The following DHRS7B variants were observed in gnomAD, a reference collection of about 807,000 sequenced individuals.
DHRS7B encodes peroxisomal reductase activating PPAR-gamma.
A neutral mutation model predicts 26.4 loss-of-function variants in DHRS7B; 24 were observed. That is an observed-to-expected ratio of 0.91 (90% confidence interval 0.66 to 1.28). The LOEUF (loss-of-function observed/expected upper bound fraction) is 1.28, where lower values mean the gene tolerates loss of function less well. Among genes scored for constraint, DHRS7B ranks in the 50% most tolerant of loss-of-function variants. The pLI, the probability that DHRS7B is intolerant of heterozygous loss-of-function variation, is 0.00. For synonymous variants in DHRS7B, 142 were observed against 166.4 expected (o/e 0.85, Z 1.13); for missense variants, 368 against 419.4 (o/e 0.88, Z 1.07).
intron 4 of DHRS7B, among the ~76,000 whole-genome samples, 154 bp downstream of exon 4, chr17:21,183,964 T>C (rs1036188714): frequency 6.6e-6 from 1 of 152,228 alleles, no homozygotes; most frequent in African/African-American, 2.4e-5. Flanking sequence ...GGTATTTGCT[T>C]TATAGCTTCC....
At chr17:21,178,690 G>A (rs1303552122) in intron 3 of DHRS7B, among the ~76,000 whole-genome samples, 4 of 144,684 alleles carry the variant, frequency 2.8e-5, no homozygotes, top group East Asian at 4.0e-4. Context: ...ACGGAGTCTC[G>A]CTCTGTCACC....
chr17:21,169,115 A>C (rs9910575), intron 1 of DHRS7B, among the ~76,000 whole-genome samples: 1 of 152,092 alleles, frequency 6.6e-6, no homozygotes, highest in Non-Finnish European at 1.5e-5. Context: ...TGATAACCAC[A>C]TTTTCTAACA....
intron 5 of DHRS7B, among the ~76,000 whole-genome samples, chr17:21,188,186 G>T (rs1974692711): frequency 6.6e-6 from 1 of 152,120 alleles, no homozygotes; most frequent in Non-Finnish European, 1.5e-5. Context: ...ACTTAAAGTT[G>T]CAGGAACAGC....
At chr17:21,160,896 T>G (rs775239662) in intron 1 of DHRS7B, among the ~76,000 whole-genome samples, 50 of 152,108 alleles carry the variant, frequency 3.3e-4, no homozygotes, top group Non-Finnish European at 6.6e-4. Flanking sequence ...AAATGAGCTA[T>G]GAAGCTATGA....
chr17:21,163,182 C>T (rs1025134119), intron 1 of DHRS7B, among the ~76,000 whole-genome samples: 4 of 138,020 alleles, frequency 2.9e-5, no homozygotes, highest in African/African-American at 7.9e-5. Context: ...GGTGACAGAG[C>T]AAGACTGTCT....
Position 21,191,337 on chromosome 17 carries a change from C to T in DHRS7B, c.*184C>T. 1 of 629,700 alleles carries T rather than the reference C, an allele frequency of 1.6e-6. No homozygotes were observed. Among genetic ancestry groups the T allele is most frequent in the East Asian group, 2.8e-5 (1 of 36,132 alleles). 39.0% of individuals were successfully genotyped at this position (629,700 alleles called of 1,614,324 possible). A position where few individuals can be genotyped will look rare whatever the true frequency, so the allele number is the denominator to read the frequency against. On this transcript the variant is annotated 3_prime_UTR_variant, in exon 7 of 7. Coordinates refer to ENST00000395511, the MANE Select transcript of DHRS7B (RefSeq NM_015510.5). Reference sequence around the variant, plus strand: ...ATCAAAAACGACAACAAGCTTCTTCCCAGGGTGAGGGGAAACACTTAAGGA... The same window carrying T: ...ATCAAAAACGACAACAAGCTTCTTCTCAGGGTGAGGGGAAACACTTAAGGA...
chr17:21,164,074 G>C (rs1007589000), intron 1 of DHRS7B, among the ~76,000 whole-genome samples: 3 of 130,018 alleles, frequency 2.3e-5, no homozygotes, highest in Admixed American at 8.4e-5. Context: ...TGTCTCCTAG[G>C]CTGGAGTGCA....
intron 1 of DHRS7B, among the ~76,000 whole-genome samples, chr17:21,139,687 T>C (rs190008371): frequency 1.3e-5 from 2 of 150,870 alleles, no homozygotes; most frequent in African/African-American, 4.9e-5. Context: ...AAAAAAAAAA[T>C]AAATAAATAA....
chr17:21,138,575 A>G (rs1973419355), intron 1 of DHRS7B, among the ~76,000 whole-genome samples: 1 of 152,014 alleles, frequency 6.6e-6, no homozygotes, highest in Non-Finnish European at 1.5e-5. Context: ...TAAATTTACC[A>G]TACAATATTC....
At chr17:21,148,739 G>A (rs1252040264) in intron 1 of DHRS7B, among the ~76,000 whole-genome samples, 1 of 151,872 alleles carries the variant, frequency 6.6e-6, no homozygotes, top group Non-Finnish European at 1.5e-5. Flanking sequence ...GAGCGAGATT[G>A]TAAAAAACAA....
chr17:21,133,537 G>A lies in DHRS7B; in HGVS notation c.20+6546G>A, dbSNP rs147131778. Among the ~76,000 whole-genome samples, 798 of 152,348 alleles carry A rather than the reference G, an allele frequency of 5.2e-3. 7 individuals carry two copies. Among genetic ancestry groups the A allele is most frequent in the African/African-American group, 0.018 (743 of 41,570 alleles). On this transcript the variant is annotated intron_variant, in intron 1 of 6. Transcript: ENST00000395511. ...ATATGCATCTATCTCTGTGAGCAGA[G>A]GGATGACTTTGAATAGAATGGGAGG...
chr17:21,141,507 G>A (rs562902979), intron 1 of DHRS7B, among the ~76,000 whole-genome samples: 26 of 149,876 alleles, frequency 1.7e-4, no homozygotes, highest in African/African-American at 6.1e-4. Flanking sequence ...TGGTAAGGAG[G>A]AATTACGACC....
chr17:21,140,742 C>G (rs1157543336), intron 1 of DHRS7B, among the ~76,000 whole-genome samples: 2 of 151,978 alleles, frequency 1.3e-5, no homozygotes, highest in Admixed American at 6.6e-5. Context: ...AACCTTAGGC[C>G]TCCTTTTCCT....
chr17:21,158,569 T>G (rs1168626772), intron 1 of DHRS7B, among the ~76,000 whole-genome samples: 1 of 152,224 alleles, frequency 6.6e-6, no homozygotes, highest in Non-Finnish European at 1.5e-5. Flanking sequence ...TAAATAGATA[T>G]TCCATGTTCA....
intron 4 of DHRS7B, 80 bp downstream of exon 4, chr17:21,183,890 C>A (rs529228775): frequency 1.6e-6 from 2 of 1,228,116 alleles, no homozygotes; most frequent in African/African-American, 3.0e-5. Flanking sequence ...TTCAGCTAAA[C>A]GTTCCCCATC....
chr17:21,187,327 A>G (rs997796267), intron 5 of DHRS7B, among the ~76,000 whole-genome samples: 1 of 151,314 alleles, frequency 6.6e-6, no homozygotes, highest in Non-Finnish European at 1.5e-5. Flanking sequence ...TGCCTTCTCT[A>G]AAAAAACAAA....
chr17:21,159,253 T>TC (rs528060382), intron 1 of DHRS7B, among the ~76,000 whole-genome samples: 13 of 150,700 alleles, frequency 8.6e-5, no homozygotes, highest in Admixed American at 3.3e-4. Flanking sequence ...TTTCTTTCTT[T>TC]TTTTTTTTTT....
At chr17:21,150,140 A>G (rs1361191516) in intron 1 of DHRS7B, among the ~76,000 whole-genome samples, 1 of 149,234 alleles carries the variant, frequency 6.7e-6, no homozygotes, top group Non-Finnish European at 1.5e-5. Flanking sequence ...AAACTAAGGC[A>G]TAGAGTATCT....
rs1974702234 is a variant in DHRS7B at position 21,188,595 on chromosome 17, T to C, written c.620-116T>C. The C allele has an allele frequency of 2.5e-6, 3 of 1,212,238 alleles. No homozygotes were observed. The African/African-American group carries it at 4.7e-5, about 19-fold the overall frequency. 75.1% of individuals were successfully genotyped at this position (1,212,238 alleles called of 1,614,324 possible). ...CAGCCTAAGCAACATAGCAAGACGA[T>C]CACAAATAAAACCAGGTTTTCAAAA... On this transcript the variant is annotated intron_variant, in intron 5 of 6. Coordinates refer to ENST00000395511, the MANE Select transcript of DHRS7B (RefSeq NM_015510.5).
Sources: gnomAD v4.1 joint callset for allele counts (sites outside exome capture counted in the v4.1 genomes callset) on GRCh38, gnomAD v4.1.1 for gene constraint, MANE v1.5 for transcripts, NCBI Gene and HGNC (gene_info 2026-07-23, HGNC 2026-07-21) for gene names.